The following ANK1 variants were observed in gnomAD, a reference collection of about 807,000 sequenced individuals.
The protein encoded by ANK1 is ankyrin-1.
In ANK1, 51 loss-of-function variants were observed where a neutral mutation model predicts 210.4. The ratio of observed to expected loss-of-function variants is 0.24; its 90% CI spans 0.19 to 0.31. ANK1 has a LOEUF of 0.31. Ranked by LOEUF, ANK1 falls within the 10% of genes least tolerant of loss-of-function variation. The pLI is 1.00. For missense variants in ANK1, 2,051 were observed against 2,504.4 expected, an observed-to-expected ratio of 0.82 and a Z score of 3.86; for synonymous variants, 967 against 1,025.9, an observed-to-expected ratio of 0.94 and a Z score of 1.10.
At chr8:41,713,124 G>A (rs1476792114) in intron 16 of ANK1, among the ~76,000 whole-genome samples, 2 of 152,250 alleles carry the variant, frequency 1.3e-5, no homozygotes, top group African/African-American at 2.4e-5. Flanking sequence ...AAGCCAGCAG[G>A]TGTTGGCTGG....
chr8:41,875,146 T>G (rs952576098), intron 1 of ANK1, among the ~76,000 whole-genome samples: 9 of 152,320 alleles, frequency 5.9e-5, no homozygotes, highest in African/African-American at 2.2e-4. Context: ...TTTCTCTTCC[T>G]GAACTCCAAG....
chr8:41,703,446 A>ATTT (rs1465782716), intron 20 of ANK1, among the ~76,000 whole-genome samples: 48 of 61,570 alleles, frequency 7.8e-4, no homozygotes, highest in Middle Eastern at 7.7e-3. Flanking sequence ...ATATATATAT[A>ATTT]TATATTTTTT....
chr8:41,714,257 GC>G lies in ANK1; in HGVS notation c.1702-4del. ...ACGTGCAGGGGGGTCAGGCCATTCT[GC>G]AGGGGACAAAGACAAAAGAGGCCGG... is the stretch of plus-strand genomic sequence containing the variant. On this transcript the variant is annotated splice_region_variant and splice_polypyrimidine_tract_variant and intron_variant, in intron 15 of 42. Transcript: ENST00000289734. 5 of 1,555,320 alleles carry G rather than the reference GC, an allele frequency of 3.2e-6. No homozygotes were observed. The highest frequency in any genetic ancestry group is 3.5e-5 in the Admixed American group (2 of 56,570).
intron 1 of ANK1, among the ~76,000 whole-genome samples, chr8:41,834,563 G>A (rs552239123): frequency 2.0e-5 from 3 of 152,206 alleles, no homozygotes; most frequent in Non-Finnish European, 4.4e-5. Context: ...TCTCCGCAGC[G>A]TTTCAGCCAC....
intron 1 of ANK1, among the ~76,000 whole-genome samples, chr8:41,805,056 CTT>C (rs1850712892): frequency 7.5e-6 from 1 of 133,370 alleles, no homozygotes; most frequent in African/African-American, 2.9e-5. Context: ...CTGTTTCTTT[CTT>C]TCTCTCTGTG....
chr8:41,698,120 C>T lies in ANK1; in HGVS notation c.2560G>A (p.Val854Met). 1 of 1,614,042 alleles carries T rather than the reference C, an allele frequency of 6.2e-7. No individual in the cohort carries two copies. Among genetic ancestry groups the T allele is most frequent in the Non-Finnish European group, 8.5e-7 (1 of 1,180,012 alleles). Reference protein sequence around the residue: ...LDFVPKLDQVVESPAIPRIPC... With the variant: ...LDFVPKLDQVMESPAIPRIPC... ...ATCCTGGGGATGGCTGGAGATTCCA[C>T]CCTGCGTGCCAAGAACACCAGAACA... Residue 854 changes from valine (V) to methionine (M), a missense_variant and splice_region_variant, in exon 24 of 43, where the codon GTG becomes ATG. Val to Met is a conservative substitution (Grantham distance 21). Transcript: ENST00000289734.
At chr8:41,838,881 A>G (rs1430996712) in intron 1 of ANK1, among the ~76,000 whole-genome samples, 2 of 152,136 alleles carry the variant, frequency 1.3e-5, no homozygotes, top group Non-Finnish European at 2.9e-5. Context: ...GTTCAAGACC[A>G]GCCTGGCCAA....
chr8:41,717,129 G>T (rs879759459), intron 12 of ANK1, 78 bp from the exon 13 acceptor site: 16 of 1,505,070 alleles, frequency 1.1e-5, no homozygotes, highest in Non-Finnish European at 1.4e-5. Flanking sequence ...AGGAAGTGCA[G>T]TCTGGAGTGG....
intron 16 of ANK1, among the ~76,000 whole-genome samples, chr8:41,712,386 T>A (rs1246384254): frequency 6.6e-6 from 1 of 152,230 alleles, no homozygotes. Context: ...GCCCTGGACA[T>A]GGCTCAGGCT....
chr8:41,709,995 C>T (rs1825704164), intron 16 of ANK1, among the ~76,000 whole-genome samples: 1 of 152,218 alleles, frequency 6.6e-6, no homozygotes, highest in Non-Finnish European at 1.5e-5. Context: ...GTTTGCAAGA[C>T]ATTATAATTG....
intron 1 of ANK1, among the ~76,000 whole-genome samples, chr8:41,882,257 G>T (rs72640358): frequency 0.16 from 23,766 of 152,004 alleles, 1,971 homozygotes; most frequent in South Asian, 0.25. Context: ...AACACCACGG[G>T]ACACCATCCA....
intron 41 of ANK1, 133 bp downstream of exon 41, chr8:41,661,743 G>A: frequency 6.2e-7 from 1 of 1,607,428 alleles, no homozygotes. Flanking sequence ...AGACGGCCCG[G>A]CAGAGCAAGG....
In ANK1 at chr8:41,692,639, C is replaced by A. The variant is rs200557117; in HGVS notation, c.3858+9G>T. ...GTCCCAGAGGCGGTGCAGGGCCCAG[C>A]CCTGTTACCTCTATGTCCCTGCTCC... On this transcript the variant is annotated intron_variant, in intron 31 of 42. Transcript: ENST00000289734. The A allele has an allele frequency of 3.1e-6, 5 of 1,611,046 alleles. No individual in the cohort carries two copies. In the African/African-American group the frequency reaches 5.3e-5, roughly 17 times the overall value.
chr8:41,812,098 TTCA>T (rs1197843328), intron 1 of ANK1, among the ~76,000 whole-genome samples: 1 of 152,228 alleles, frequency 6.6e-6, no homozygotes, highest in African/African-American at 2.4e-5. Context: ...CTGATATTAA[TTCA>T]TCAAGTAACC....
intron 1 of ANK1, among the ~76,000 whole-genome samples, chr8:41,841,017 C>T (rs1587354058): frequency 6.6e-6 from 1 of 152,162 alleles, no homozygotes; most frequent in African/African-American, 2.4e-5. Flanking sequence ...TACTGCGAAT[C>T]TACCGTGTAA....
intron 1 of ANK1, among the ~76,000 whole-genome samples, chr8:41,790,737 A>C (rs185177945): frequency 1.3e-5 from 2 of 152,334 alleles, no homozygotes; most frequent in East Asian, 3.9e-4. Context: ...TTAAGAATTT[A>C]AGGAATAATC....
chr8:41,864,313 C>T (rs1813894179), intron 1 of ANK1, among the ~76,000 whole-genome samples: 1 of 150,836 alleles, frequency 6.6e-6, no homozygotes, highest in South Asian at 2.1e-4. Flanking sequence ...AAAATTATTT[C>T]TCCCATTGGG....
chr8:41,805,285 C>T (rs1192695809), intron 1 of ANK1, among the ~76,000 whole-genome samples: 1 of 151,656 alleles, frequency 6.6e-6, no homozygotes, highest in Non-Finnish European at 1.5e-5. Context: ...CTCTGTCACC[C>T]AGGTAGGGGC....
chr8:41,785,790 C>T (rs1846226202), intron 1 of ANK1, among the ~76,000 whole-genome samples: 1 of 152,328 alleles, frequency 6.6e-6, no homozygotes, highest in African/African-American at 2.4e-5. Context: ...AGGGTCCTCC[C>T]GCTCAGAGCC....
Sources: allele counts gnomAD v4.1 joint callset (sites outside exome capture counted in the v4.1 genomes callset), GRCh38; gene constraint gnomAD v4.1.1; transcripts MANE v1.5; gene names NCBI Gene and HGNC (gene_info 2026-07-23, HGNC 2026-07-21).